Variants in RBM6 observed in about 807,000 individuals in gnomAD.
The protein encoded by RBM6 is RNA binding motif protein 6, also known as RNA-binding protein 6.
A neutral mutation model predicts 140.4 loss-of-function variants in RBM6; 23 were observed. The ratio of observed to expected loss-of-function variants is 0.16; its 90% CI spans 0.12 to 0.23. The LOEUF is 0.23. Among genes scored for constraint, RBM6 ranks in the 10% least tolerant of loss-of-function variants. The pLI is 1.00. For missense variants in RBM6, 1,139 were observed against 1,386.7 expected, an observed-to-expected ratio of 0.82 and a Z score of 2.84; for synonymous variants, 439 against 475.6, an observed-to-expected ratio of 0.92 and a Z score of 1.00.
intron 6 of RBM6, among the ~76,000 whole-genome samples, chr3:50,023,940 T>A (rs2087653335): frequency 6.6e-6 from 1 of 151,972 alleles, no homozygotes; most frequent in African/African-American, 2.4e-5. Flanking sequence ...GAGCCACTGC[T>A]CCCAGCCGGG....
At chr3:49,947,659 C>T (rs552996114) in intron 1 of RBM6, among the ~76,000 whole-genome samples, 6 of 151,974 alleles carry the variant, frequency 3.9e-5, no homozygotes, top group Non-Finnish European at 8.8e-5. Context: ...TATTACCAAT[C>T]GAAAGTCATG....
At chr3:49,983,820 A>G (rs2085418733) in intron 5 of RBM6, among the ~76,000 whole-genome samples, 1 of 152,064 alleles carries the variant, frequency 6.6e-6, no homozygotes, top group African/African-American at 2.4e-5. Context: ...AAGGCAGGAG[A>G]CACTAATAGG....
At chr3:49,987,050 C>G (rs1168467017) in intron 5 of RBM6, among the ~76,000 whole-genome samples, 1 of 151,978 alleles carries the variant, frequency 6.6e-6, no homozygotes, top group Non-Finnish European at 1.5e-5. Flanking sequence ...TCCCAAAATG[C>G]TGTGATTACA....
rs2083988693 is a variant in RBM6 at position 49,956,335 on chromosome 3, T to C, written c.-66-6241T>C. Among the ~76,000 whole-genome samples, 8 of 141,590 alleles carry C rather than the reference T, an allele frequency of 5.7e-5. No individual in the cohort carries two copies. In the South Asian group the frequency reaches 1.8e-3, roughly 32 times the overall value. The allele number at this position is 141,590 out of a possible 152,430, so 92.9% of individuals were successfully genotyped here. On this transcript the variant is annotated intron_variant, in intron 1 of 20. Transcript: ENST00000266022. ...TTTCTGCCCCCTCCCCCGCTTTTTT[T>C]TTTTTTTTTTTTTTTTTGAGACGGA...
At position 50,057,820 on chromosome 3, in the gene RBM6, A is replaced by G; in HGVS notation, c.1786A>G (p.Arg596Gly). 1 of 1,614,026 alleles carries G rather than the reference A, an allele frequency of 6.2e-7. No homozygotes were observed. Among genetic ancestry groups the G allele is most frequent in the Non-Finnish European group, 8.5e-7 (1 of 1,179,984 alleles). ...GGAAAAACAGCCCAACCAGCCCCTA[A>G]GACCAGCTGATAAGGAACCTGAACC... ...PLEKQPNQPL[R>G]PADKEPEPRK... The change falls in exon 9 of 21, where the codon AGA (arginine) becomes GGA (glycine). Residue 596 changes from arginine (R) to glycine (G), a missense_variant. Around this residue, in one of 9 missense-constraint regions of RBM6, gnomAD observed 109 missense variants for 101.9 expected, o/e 1.07. Transcript: ENST00000266022.
chr3:49,991,232 G>A (rs557326702), intron 5 of RBM6, among the ~76,000 whole-genome samples: 27 of 152,194 alleles, frequency 1.8e-4, no homozygotes, highest in Admixed American at 1.6e-3. Flanking sequence ...GAGTGTAGGA[G>A]TCTCTGTCCT....
chr3:49,995,505 C>G (rs2086042617), intron 5 of RBM6, among the ~76,000 whole-genome samples: 1 of 149,074 alleles, frequency 6.7e-6, no homozygotes, highest in African/African-American at 2.5e-5. Context: ...GATTGTGTGC[C>G]ATTGCATTCC....
rs796739542 is a variant in RBM6, at chr3:50,017,041, G to T, written c.1557+17528G>T. On this transcript the variant is annotated intron_variant, in intron 6 of 20. Transcript: ENST00000266022. ...AGGTTTCATTATGTTGTCCGGGCTG[G>T]TCTTGAACTCCTAGGCTCAAGTGAT... Among the ~76,000 whole-genome samples, 5 of 152,120 alleles carry T rather than the reference G, an allele frequency of 3.3e-5. No individual in the cohort carries two copies. The East Asian group carries it at 5.8e-4, about 18-fold the overall frequency.
chr3:50,072,418 A>G (rs987019536), intron 19 of RBM6, among the ~76,000 whole-genome samples: 1 of 151,630 alleles, frequency 6.6e-6, no homozygotes, highest in African/African-American at 2.4e-5. Context: ...TCAAAAAAAA[A>G]AAAGAAAAGA....
intron 5 of RBM6, among the ~76,000 whole-genome samples, chr3:49,985,720 C>A (rs2085521502): frequency 2.0e-5 from 3 of 151,878 alleles, no homozygotes; most frequent in Non-Finnish European, 4.4e-5. Context: ...CATTCTCCTG[C>A]CTCAGCCTCC....
chr3:49,972,156 A>G lies in RBM6; in HGVS notation c.1413+8A>G, dbSNP rs1020815212. 1.1e-5 allele frequency: 18 copies of G among 1,586,998 alleles called. No individual in the cohort carries two copies. The African/African-American group carries it at 2.2e-4, about 19-fold the overall frequency. ...GATGCCACAAAAGAAGAGGTAAGGC[A>G]TGTCTTCTCTCCTGTTTCTCTGTGT... On this transcript the variant is annotated splice_region_variant and intron_variant, in intron 4 of 20. Transcript: ENST00000266022.
chr3:49,968,784 T>TA, intron 3 of RBM6, 36 bp downstream of exon 3: 1 of 1,469,902 alleles, frequency 6.8e-7, no homozygotes, highest in Non-Finnish European at 9.0e-7. Context: ...TTTTTTTTTT[T>TA]TTTTTTTTTT....
intron 14 of RBM6, 158 bp downstream of exon 14, chr3:50,061,705 G>A (rs1231793965): frequency 1.4e-6 from 2 of 1,435,520 alleles, no homozygotes; most frequent in African/African-American, 1.4e-5. Context: ...TATGGAAACA[G>A]AACTGTTGCC....
intron 6 of RBM6, among the ~76,000 whole-genome samples, chr3:50,044,537 C>A (rs956041405): frequency 6.6e-6 from 1 of 151,082 alleles, no homozygotes; most frequent in Non-Finnish European, 1.5e-5. Context: ...GAGCCAAAAT[C>A]GCATCACTGC....
intron 5 of RBM6, 39 bp downstream of exon 5, chr3:49,975,431 G>C: frequency 1.3e-6 from 2 of 1,517,934 alleles, no homozygotes; most frequent in Non-Finnish European, 9.1e-7. Context: ...GGGTTAGGAA[G>C]GGTCTTTGTC....
chr3:50,015,763 A>G (rs936795189), intron 6 of RBM6, among the ~76,000 whole-genome samples: 2 of 152,166 alleles, frequency 1.3e-5, no homozygotes, highest in African/African-American at 4.8e-5. Context: ...TGATAATTGT[A>G]CATGTTTATG....
intron 7 of RBM6, among the ~76,000 whole-genome samples, chr3:50,053,258 G>A (rs1220942554): frequency 2.0e-5 from 3 of 152,044 alleles, no homozygotes; most frequent in East Asian, 1.9e-4. Flanking sequence ...CCGGCTGGGC[G>A]CAGTGACTCA....
intron 5 of RBM6, among the ~76,000 whole-genome samples, chr3:49,979,295 G>C: frequency 6.6e-6 from 1 of 152,124 alleles, no homozygotes; most frequent in East Asian, 1.9e-4. Context: ...CTCCCTAATG[G>C]TTATGGTACT....
chr3:50,007,540 T>C (rs1001348679), intron 6 of RBM6, among the ~76,000 whole-genome samples: 9 of 148,074 alleles, frequency 6.1e-5, no homozygotes. Flanking sequence ...TAAATTTTCT[T>C]TTTTTTTTTT....
Sources: gnomAD v4.1 joint callset for allele counts (sites outside exome capture counted in the v4.1 genomes callset) on GRCh38, gnomAD v4.1.1 for gene constraint, gnomAD v4.1.1 regional missense constraint, MANE v1.5 for transcripts, NCBI Gene and HGNC (gene_info 2026-07-23, HGNC 2026-07-21) for gene names.